Variants in AOAH observed in about 807,000 individuals in gnomAD.
The protein encoded by AOAH is acyloxyacyl hydrolase.
Under a neutral mutation model 92.2 loss-of-function variants are expected in AOAH, and 64 were observed. The observed-to-expected ratio is 0.69, with a 90% CI of 0.57 to 0.86. AOAH has a LOEUF of 0.86. Among genes scored for constraint, AOAH ranks in the 40% least tolerant of loss-of-function variants. The pLI, the probability that AOAH is intolerant of heterozygous loss-of-function variation, is 0.00. For synonymous variants in AOAH, 263 were observed against 254.5 expected (o/e 1.03, Z -0.32); for missense variants, 656 against 694.6 (o/e 0.94, Z 0.62).
At position 36,677,610 on chromosome 7, in the gene AOAH, T is replaced by TTA. The variant is rs765750682; in HGVS notation, c.224-3603_224-3602dup. 2.2e-4 allele frequency among the ~76,000 whole-genome samples: 34 copies of TTA among 151,730 alleles called. No homozygotes were observed. The South Asian group carries it at 4.8e-3, about 21-fold the overall frequency. ...ATATGATCCAGCAATGTGATCCAGT[T>TTA]TATATATATATATAAACATATGTCC... is the stretch of plus-strand genomic sequence containing the variant. On this transcript the variant is annotated intron_variant, in intron 2 of 20. Coordinates refer to ENST00000617537, the MANE Select transcript of AOAH (RefSeq NM_001637.4).
intron 1 of AOAH, among the ~76,000 whole-genome samples, chr7:36,703,515 G>A (rs1393537684): frequency 6.6e-6 from 1 of 152,016 alleles, no homozygotes; most frequent in African/African-American, 2.4e-5. Context: ...ATCTACATTC[G>A]GTATTTCTCC....
intron 1 of AOAH, among the ~76,000 whole-genome samples, chr7:36,723,804 C>A (rs946364681): frequency 2.6e-5 from 4 of 152,008 alleles, no homozygotes; most frequent in Admixed American, 2.6e-4. Flanking sequence ...GAGTTTTATG[C>A]CCAATTTAAA....
At chr7:36,555,950 A>G (rs1336728800) in intron 13 of AOAH, among the ~76,000 whole-genome samples, 1 of 151,986 alleles carries the variant, frequency 6.6e-6, no homozygotes. Flanking sequence ...GGATTCATTG[A>G]TTTTTTGAAG....
intron 4 of AOAH, among the ~76,000 whole-genome samples, chr7:36,655,207 G>C (rs1794805341): frequency 6.6e-6 from 1 of 152,088 alleles, no homozygotes; most frequent in Non-Finnish European, 1.5e-5. Flanking sequence ...ATCTATAAAG[G>C]GTGGACAACA....
intron 20 of AOAH, among the ~76,000 whole-genome samples, chr7:36,517,970 C>T (rs1255343064): frequency 9.4e-5 from 13 of 138,316 alleles, no homozygotes; most frequent in African/African-American, 2.5e-4. Flanking sequence ...CACACACACA[C>T]GCACACACAC....
chr7:36,555,436 C>T (rs993754142), intron 13 of AOAH, among the ~76,000 whole-genome samples: 4 of 152,140 alleles, frequency 2.6e-5, no homozygotes, highest in South Asian at 2.1e-4. Context: ...GGATATTGGT[C>T]TAAAATTCTC....
intron 4 of AOAH, among the ~76,000 whole-genome samples, chr7:36,638,534 T>A (rs1031388958): frequency 2.6e-5 from 4 of 151,976 alleles, no homozygotes; most frequent in African/African-American, 9.7e-5. Flanking sequence ...CTACCAGTAA[T>A]GATTGCTGTG....
intron 1 of AOAH, among the ~76,000 whole-genome samples, chr7:36,715,644 G>A (rs10233513): frequency 0.55 from 74,946 of 137,282 alleles, 20,860 homozygotes; most frequent in East Asian, 0.82. Context: ...CCAACGGAAC[G>A]GAACAGAGCC....
At chr7:36,545,094 C>T (rs1785718505) in intron 15 of AOAH, among the ~76,000 whole-genome samples, 2 of 151,866 alleles carry the variant, frequency 1.3e-5, no homozygotes, top group Admixed American at 6.6e-5. Flanking sequence ...CTCTATCACC[C>T]AGGCTGGAGG....
chr7:36,710,962 T>G (rs1562720580), intron 1 of AOAH, among the ~76,000 whole-genome samples: 1 of 151,998 alleles, frequency 6.6e-6, no homozygotes, highest in Non-Finnish European at 1.5e-5. Flanking sequence ...ATGAGGGGAG[T>G]GAAGTGGTGC....
At position 36,621,844 on chromosome 7, in the gene AOAH, T is replaced by G. The variant is rs139902005; in HGVS notation, c.583-64A>C. 5.7e-5 allele frequency: 83 copies of G among 1,448,718 alleles called. 1 individual carries two copies. The Admixed American group carries it at 1.4e-3, about 24-fold the overall frequency. 89.7% of individuals were successfully genotyped at this position (1,448,718 alleles called of 1,614,324 possible). On this transcript the variant is annotated intron_variant, in intron 7 of 20. Coordinates refer to ENST00000617537, the MANE Select transcript of AOAH (RefSeq NM_001637.4). ...CTTTGATGTTATCCACGAGGAAGGC[T>G]AATCAGAGTTGTCTGAATGGCATTG...
intron 13 of AOAH, among the ~76,000 whole-genome samples, chr7:36,550,872 C>T (rs1173010898): frequency 6.6e-6 from 1 of 152,062 alleles, no homozygotes; most frequent in African/African-American, 2.4e-5. Flanking sequence ...AAAAGGGCAG[C>T]GTGTAGCCAT....
intron 1 of AOAH, among the ~76,000 whole-genome samples, chr7:36,708,991 G>C (rs1396023591): frequency 6.6e-6 from 1 of 152,016 alleles, no homozygotes; most frequent in East Asian, 1.9e-4. Context: ...GTTCCCCTGG[G>C]CTTTCTTTCA....
Position 36,637,923 on chromosome 7 carries a change from A to G in AOAH, c.391-13T>C. The G allele has an allele frequency of 6.2e-7, 1 of 1,603,042 alleles. No individual in the cohort carries two copies. Among genetic ancestry groups the G allele is most frequent in the African/African-American group, 1.3e-5 (1 of 74,812 alleles). On this transcript the variant is annotated splice_polypyrimidine_tract_variant and intron_variant, in intron 4 of 20. Transcript: ENST00000617537. ...ATTTCCATGTCTCCTATAAAAACAA[A>G]GTTAGAGAACATTACAACTCATGTT...
chr7:36,711,749 G>A (rs575112355), intron 1 of AOAH, among the ~76,000 whole-genome samples: 2 of 152,304 alleles, frequency 1.3e-5, no homozygotes, highest in South Asian at 4.1e-4. Context: ...CCTGGCCCAT[G>A]AGGGTGGAAT....
intron 12 of AOAH, among the ~76,000 whole-genome samples, chr7:36,586,802 A>C (rs951358044): frequency 6.6e-5 from 10 of 152,178 alleles, no homozygotes; most frequent in Non-Finnish European, 1.3e-4. Flanking sequence ...AATCCATTAC[A>C]TGTTAACTTG....
intron 11 of AOAH, 182 bp from the exon 12 acceptor site, chr7:36,594,612 C>A (rs756320591): frequency 1.4e-4 from 97 of 674,074 alleles, no homozygotes; most frequent in Non-Finnish European, 2.4e-4. Flanking sequence ...AGGGAAGTCA[C>A]AATGATCAGC....
intron 11 of AOAH, among the ~76,000 whole-genome samples, chr7:36,602,457 TC>T (rs1178643340): frequency 1.3e-5 from 2 of 151,522 alleles, no homozygotes; most frequent in African/African-American, 2.4e-5. Context: ...TTTTTTTTTT[TC>T]ATCCCCTAGG....
At chr7:36,570,575 A>G (rs866248325) in intron 13 of AOAH, among the ~76,000 whole-genome samples, 14 of 152,192 alleles carry the variant, frequency 9.2e-5, no homozygotes, top group African/African-American at 3.1e-4. Flanking sequence ...AGGAACCTCC[A>G]TACTGTTTTC....
Sources: allele counts gnomAD v4.1 joint callset (sites outside exome capture counted in the v4.1 genomes callset), GRCh38; gene constraint gnomAD v4.1.1; transcripts MANE v1.5; gene names NCBI Gene and HGNC (gene_info 2026-07-23, HGNC 2026-07-21).